NUDC: variants seen among roughly 807,000 people sequenced by gnomAD.
NUDC encodes the protein nuclear distribution C, dynein complex regulator, also known as nuclear migration protein nudC.
A neutral mutation model predicts 45.0 loss-of-function variants in NUDC; 14 were observed. That is an observed-to-expected ratio of 0.31 (90% CI 0.21 to 0.49). The LOEUF (loss-of-function observed/expected upper bound fraction) is 0.49. NUDC is among the 20% of genes least tolerant of loss of function. NUDC has a pLI of 0.99. For missense variants in NUDC, 323 were observed against 426.2 expected (o/e 0.76, Z 2.13); for synonymous variants, 153 against 156.7 (o/e 0.98, Z 0.17).
At position 26,946,239 on chromosome 1, in the gene NUDC, T is replaced by C. The variant is rs577641390; in HGVS notation, c.*58T>C. 2.1e-4 allele frequency: 301 copies of C among 1,465,834 alleles called. No homozygotes were observed. The East Asian group carries it at 6.7e-3, about 32-fold the overall frequency. 90.8% of individuals were successfully genotyped at this position (1,465,834 alleles called of 1,614,324 possible). A position where few individuals can be genotyped will look rare whatever the true frequency, so the allele number is the denominator to read the frequency against. ...TGAGCTGCAACCACCCAACTTTCTT[T>C]CCCACTCTTCTCTGGGACTTGTGGG... On this transcript the variant is annotated 3_prime_UTR_variant, in exon 9 of 9. Coordinates refer to ENST00000321265, the MANE Select transcript of NUDC (RefSeq NM_006600.4).
chr1:26,914,203 C>T (rs1349520948), intron 3 of NUDC, among the ~76,000 whole-genome samples: 1 of 152,186 alleles, frequency 6.6e-6, no homozygotes, highest in Non-Finnish European at 1.5e-5. Flanking sequence ...GGCCACCTGC[C>T]GCTCACTCAG....
At chr1:26,921,961 CG>C (rs2082095000) in intron 1 of NUDC, 32 bp downstream of exon 1, 10 of 1,544,106 alleles carry the variant, frequency 6.5e-6, no homozygotes, top group Non-Finnish European at 8.8e-6. Flanking sequence ...GCCCACCCGG[CG>C]GCCTTGGCCA....
chr1:26,911,538 A>AGGACT (rs1386735803), intron 3 of NUDC: 11 of 413,382 alleles, frequency 2.7e-5, no homozygotes, highest in Non-Finnish European at 5.0e-5. Context: ...TCAGTTCTGT[A>AGGACT]TAAAGTCGAT....
At chr1:26,940,680 C>T (rs1012029749) in intron 2 of NUDC, among the ~76,000 whole-genome samples, 1 of 151,934 alleles carries the variant, frequency 6.6e-6, no homozygotes, top group African/African-American at 2.4e-5. Flanking sequence ...TAAACAGCGC[C>T]ACTTTTTTTG....
intron 2 of NUDC, among the ~76,000 whole-genome samples, chr1:26,924,802 C>T (rs1326836291): frequency 2.6e-5 from 4 of 152,026 alleles, no homozygotes; most frequent in Non-Finnish European, 4.4e-5. Flanking sequence ...CCACCCGCCT[C>T]GGCCTCCCAA....
intron 2 of NUDC, among the ~76,000 whole-genome samples, chr1:26,929,245 A>G (rs2082158756): frequency 6.6e-6 from 1 of 151,368 alleles, no homozygotes; most frequent in African/African-American, 2.4e-5. Flanking sequence ...ATTTGGAAAA[A>G]AAATTTTTTT....
At chr1:26,942,285 C>T (rs555535642) in intron 4 of NUDC, among the ~76,000 whole-genome samples, 99 of 152,100 alleles carry the variant, frequency 6.5e-4, no homozygotes, top group Non-Finnish European at 1.1e-3. Context: ...AGCAAGACTC[C>T]GTCCCAAAAA....
chr1:26,909,092 A>G (rs1485420691), intron 2 of NUDC, among the ~76,000 whole-genome samples: 2 of 152,074 alleles, frequency 1.3e-5, no homozygotes, highest in Non-Finnish European at 2.9e-5. Context: ...CTCCTGTCTC[A>G]GCCTCCCAAG....
chr1:26,933,289 C>T (rs1017796008), intron 2 of NUDC, among the ~76,000 whole-genome samples: 2 of 151,714 alleles, frequency 1.3e-5, no homozygotes, highest in African/African-American at 4.8e-5. Flanking sequence ...TTGCTTTCAC[C>T]CCTTGGTTAT....
At chr1:26,913,948 G>A (rs765165193) in intron 3 of NUDC, 4 of 1,461,952 alleles carry the variant, frequency 2.7e-6, no homozygotes, top group East Asian at 4.7e-5. Flanking sequence ...CATGGTTAGG[G>A]ATCTGCTCTC....
chr1:26,900,194 G>A (rs758035923), upstream of NUDC: 1 of 1,614,182 alleles, frequency 6.2e-7, no homozygotes, highest in East Asian at 2.2e-5. Flanking sequence ...GGACATCGGT[G>A]GCCGAAGTCT....
intron 1 of NUDC, chr1:26,900,542 C>T: frequency 1.0e-6 from 1 of 967,472 alleles, no homozygotes; most frequent in Non-Finnish European, 1.5e-6. Context: ...TCTAACTAGT[C>T]CTTTGGGATT....
At chr1:26,924,922 G>A (rs181402352) in intron 2 of NUDC, among the ~76,000 whole-genome samples, 5 of 149,906 alleles carry the variant, frequency 3.3e-5, no homozygotes, top group Admixed American at 1.3e-4. Context: ...ATTCTGTTGC[G>A]CAGGCTGGAG....
At chr1:26,945,744 G>A (rs996614594) in intron 8 of NUDC, 58 bp downstream of exon 8, 3 of 1,193,624 alleles carry the variant, frequency 2.5e-6, no homozygotes, top group Non-Finnish European at 2.5e-6. Flanking sequence ...TTAGACTTCG[G>A]TGACAGCAGT....
chr1:26,913,387 C>T (rs775579661), intron 3 of NUDC: 6 of 1,613,526 alleles, frequency 3.7e-6, no homozygotes, highest in East Asian at 2.2e-5. Flanking sequence ...TGCCCCCCAC[C>T]CAGGAGTGTC....
chr1:26,902,633 T>C (rs1178731682), intron 2 of NUDC, among the ~76,000 whole-genome samples: 1 of 152,036 alleles, frequency 6.6e-6, no homozygotes, highest in Non-Finnish European at 1.5e-5. Flanking sequence ...ACCTGTAATC[T>C]TAGCACGTCG....
Position 26,927,709 on chromosome 1 carries a change from A to G in NUDC, c.159+3543A>G, listed in dbSNP as rs1281748788. On this transcript the variant is annotated intron_variant, in intron 2 of 8. Coordinates refer to ENST00000321265, the MANE Select transcript of NUDC (RefSeq NM_006600.4). Reference sequence around the variant, plus strand: ...CTGCGCCCAGCCCCTAATTTTTCTTAACTGTAAGAGGGAGCAGTCCTTACC... The same window carrying G: ...CTGCGCCCAGCCCCTAATTTTTCTTGACTGTAAGAGGGAGCAGTCCTTACC... Among the ~76,000 whole-genome samples the G allele has an allele frequency of 2.6e-5, 4 of 151,918 alleles. No homozygotes were observed. In the East Asian group the frequency reaches 7.7e-4, roughly 29 times the overall value.
rs951056999 is a variant in NUDC at position 26,946,457 on chromosome 1, G to A, written c.*276G>A. ...GGGGCACAGGCCTCTTACGGCTGCT[G>A]CTGGGAACTGGGAGTTTGGCTTCTA... On this transcript the variant is annotated 3_prime_UTR_variant, in exon 9 of 9. Transcript: ENST00000321265. The A allele has an allele frequency of 2.1e-6, 1 of 486,250 alleles. No homozygotes were observed. Among genetic ancestry groups the A allele is most frequent in the Non-Finnish European group, 3.8e-6 (1 of 265,904 alleles). 30.1% of individuals were successfully genotyped at this position (486,250 alleles called of 1,614,324 possible).
intron 3 of NUDC, among the ~76,000 whole-genome samples, chr1:26,914,423 CACT>C (rs1408891955): frequency 6.6e-6 from 1 of 152,188 alleles, no homozygotes; most frequent in Non-Finnish European, 1.5e-5. Context: ...AGTGCCTTAT[CACT>C]AGCTTGTTTG....
Sources: gnomAD v4.1 joint callset for allele counts (sites outside exome capture counted in the v4.1 genomes callset) on GRCh38, gnomAD v4.1.1 for gene constraint, MANE v1.5 for transcripts, NCBI Gene and HGNC (gene_info 2026-07-23, HGNC 2026-07-21) for gene names.